Variants in ZNF138 observed in about 807,000 individuals in gnomAD.
ZNF138 encodes the protein zinc finger protein 138 (clone pHZ-32).
ZNF138 carries 33 observed loss-of-function variants against 33.0 expected under a neutral mutation model. That is an observed-to-expected ratio of 1.00 (90% CI 0.76 to 1.34). The LOEUF is 1.34. Ranked by LOEUF, ZNF138 falls within the 40% of genes most tolerant of loss-of-function variation. The pLI is 0.00. For missense variants in ZNF138, 360 were observed against 370.8 expected (o/e 0.97, Z 0.24); for synonymous variants, 139 against 120.4 (o/e 1.15, Z -1.01).
the ZNF138 span, among the ~76,000 whole-genome samples, chr7:64,854,521 G>T: frequency 6.6e-6 from 1 of 152,202 alleles, no homozygotes. Context: ...GATTATAGGC[G>T]TGAGCCATCA....
At chr7:64,842,650 C>G in the ZNF138 span, among the ~76,000 whole-genome samples, 1 of 152,120 alleles carries the variant, frequency 6.6e-6, no homozygotes, top group South Asian at 2.1e-4. Context: ...TCATTGTGTT[C>G]CCAGAGTGGC....
At chr7:64,841,482 GAGTT>G in the ZNF138 span, among the ~76,000 whole-genome samples, 9,479 of 152,242 alleles carry the variant, frequency 0.062, 333 homozygotes, top group East Asian at 0.14. Context: ...ATTCCTGCTA[GAGTT>G]AGTTTGTAAG....
rs112905168 is a variant in ZNF138 at position 64,825,543 on chromosome 7, C to CT, written c.209-5893dup. Among the ~76,000 whole-genome samples the CT allele has an allele frequency of 6.8e-3, 897 of 132,502 alleles. 6 individuals are homozygous for CT. The highest frequency in any genetic ancestry group is 0.019 in the Middle Eastern group (4 of 212). 86.9% of individuals were successfully genotyped at this position (132,502 alleles called of 152,430 possible). On this transcript the variant is annotated intron_variant, in intron 3 of 3. Coordinates refer to ENST00000307355, the MANE Select transcript of ZNF138 (RefSeq NM_001271639.2). ...CTTTTTTTTGCTATTTATTTATTAA[C>CT]TTTTTTTTTTTTTTTGAGACAGAGT...
chr7:64,814,815 T>G lies in ZNF138; in HGVS notation c.4-103T>G, dbSNP rs536249766. On this transcript the variant is annotated intron_variant, in intron 1 of 3. Transcript: ENST00000307355. ...TTTCAGTCACTCCTGTAAGACATAA[T>G]CAGTTTTCCTTACTGTCTTATTTTA... The G allele has an allele frequency of 2.3e-3, 3,247 of 1,437,784 alleles. 2 individuals carry two copies. Among genetic ancestry groups the G allele is most frequent in the Non-Finnish European group, 2.8e-3 (2,950 of 1,045,554 alleles). 89.1% of individuals were successfully genotyped at this position (1,437,784 alleles called of 1,614,324 possible).
chr7:64,816,055 GT>G, intron 3 of ZNF138, among the ~76,000 whole-genome samples: 1 of 151,940 alleles, frequency 6.6e-6, no homozygotes, highest in South Asian at 2.1e-4. Flanking sequence ...TTCCATTGTG[GT>G]TTTTTTGTTC....
chr7:64,825,642 C>T (rs1349990411), intron 3 of ZNF138, among the ~76,000 whole-genome samples: 3 of 151,056 alleles, frequency 2.0e-5, no homozygotes, highest in East Asian at 1.9e-4. Flanking sequence ...CGGGTTCAAG[C>T]GATTCCCCTG....
At chr7:64,815,090 TC>T in intron 2 of ZNF138, 46 bp downstream of exon 2, 1 of 1,458,684 alleles carries the variant, frequency 6.9e-7, no homozygotes, top group South Asian at 1.5e-5. Context: ...CCTAAAGGTT[TC>T]ATTTTTTTTT....
chr7:64,852,361 A>C, the ZNF138 span: 1 of 1,344,680 alleles, frequency 7.4e-7, no homozygotes, highest in East Asian at 2.3e-5. Context: ...AGATCTATTT[A>C]AAAACAAAAC....
rs1428664180 is a variant in ZNF138, at chr7:64,831,869, C to A, written c.627C>A (p.Asn209Lys). The A allele has an allele frequency of 1.2e-6, 2 of 1,613,810 alleles. No homozygotes were observed. Reference protein sequence around the residue: ...ECGKTFNWSTNLSKPKKIHTG... With the variant: ...ECGKTFNWSTKLSKPKKIHTG... ...GAAAAACCTTTAACTGGTCCACAAA[C>A]CTTTCTAAACCTAAGAAAATTCATA... is the stretch of plus-strand genomic sequence containing the variant. The change falls in exon 4 of 4, where the codon AAC becomes AAA. Residue 209 changes from asparagine (N) to lysine (K), a missense_variant. Physicochemically the swap from Asn to Lys is moderately conservative, Grantham distance 94. Transcript: ENST00000307355.
chr7:64,853,341 T>A, the ZNF138 span: 2 of 1,578,010 alleles, frequency 1.3e-6, no homozygotes, highest in Non-Finnish European at 1.7e-6. Flanking sequence ...GTTAAAGGAC[T>A]CCCATGTAGA....
At chr7:64,825,810 T>G (rs923082530) in intron 3 of ZNF138, among the ~76,000 whole-genome samples, 14 of 152,240 alleles carry the variant, frequency 9.2e-5, no homozygotes, top group African/African-American at 3.4e-4. Context: ...ATGTTGGGAT[T>G]ACAGGCATGA....
At chr7:64,830,972 A>C in intron 3 of ZNF138, 1 of 1,551,556 alleles carries the variant, frequency 6.4e-7, no homozygotes, top group Non-Finnish European at 8.7e-7. Context: ...CAGTGGACTC[A>C]ACATTTTGTC....
the ZNF138 span, among the ~76,000 whole-genome samples, chr7:64,851,434 A>C: frequency 1.3e-5 from 2 of 152,240 alleles, no homozygotes; most frequent in African/African-American, 4.8e-5. Flanking sequence ...GTGCACAAAA[A>C]TGTACGAGCG....
chr7:64,806,986 G>A (rs7803749), intron 1 of ZNF138, among the ~76,000 whole-genome samples: 142,908 of 152,296 alleles, frequency 0.94, 67,090 homozygotes, highest in South Asian at 0.98. Context: ...TGGGTTTACC[G>A]GAATAAGGGC....
intron 2 of ZNF138, among the ~76,000 whole-genome samples, chr7:64,815,256 A>G (rs1333085022): frequency 6.6e-6 from 1 of 152,106 alleles, no homozygotes; most frequent in Admixed American, 6.5e-5. Flanking sequence ...CTGAGCTGAT[A>G]TGTATCCTTC....
At chr7:64,796,456 C>CT (rs1285483942) in intron 1 of ZNF138, among the ~76,000 whole-genome samples, 1 of 79,292 alleles carries the variant, frequency 1.3e-5, no homozygotes, top group Admixed American at 1.5e-4. Flanking sequence ...GATTTGTTCA[C>CT]TTACTTCAGT....
At chr7:64,816,066 C>G (rs2129002491) in intron 3 of ZNF138, among the ~76,000 whole-genome samples, 1 of 151,428 alleles carries the variant, frequency 6.6e-6, no homozygotes, top group South Asian at 2.1e-4. Context: ...TTTTTTTGTT[C>G]ATTTTTCTGC....
At position 64,794,432 on chromosome 7, in the gene ZNF138, C is replaced by A. The variant is rs889620911; in HGVS notation, c.-137C>A. ...CCGGGAGGCGGCGGGGTCTTTGTCT[C>A]GCTGCAGCGGGTGCTGCAGGTCTGG... is the stretch of plus-strand genomic sequence containing the variant. On this transcript the variant is annotated 5_prime_UTR_variant, in exon 1 of 4. Coordinates refer to ENST00000307355, the MANE Select transcript of ZNF138 (RefSeq NM_001271639.2). 1.5e-6 allele frequency: 2 copies of A among 1,328,750 alleles called. No homozygotes were observed. The highest frequency in any genetic ancestry group is 2.1e-6 in the Non-Finnish European group (2 of 940,624). The allele number at this position is 1,328,750 out of a possible 1,614,324, so 82.3% of individuals were successfully genotyped here. A position where few individuals can be genotyped will look rare whatever the true frequency, so the allele number is the denominator to read the frequency against.
At chr7:64,819,319 T>C (rs1316710846) in intron 3 of ZNF138, among the ~76,000 whole-genome samples, 4 of 151,886 alleles carry the variant, frequency 2.6e-5, no homozygotes, top group Non-Finnish European at 5.9e-5. Context: ...TGAATATATA[T>C]TTCCTTGTGT....
Sources: gnomAD v4.1 joint callset for allele counts (sites outside exome capture counted in the v4.1 genomes callset) on GRCh38, gnomAD v4.1.1 for gene constraint, MANE v1.5 for transcripts, NCBI Gene and HGNC (gene_info 2026-07-23, HGNC 2026-07-21) for gene names.